The following RSPO3 variants were observed in gnomAD, a reference collection of about 807,000 sequenced individuals.
The protein encoded by RSPO3 is R-spondin-3.
In RSPO3, 17 loss-of-function variants were observed where a neutral mutation model predicts 36.5. That is an observed-to-expected ratio of 0.47 (90% CI 0.32 to 0.70). The LOEUF is 0.70. Among genes scored for constraint, RSPO3 ranks in the 30% least tolerant of loss-of-function variants. The pLI is 0.04. For synonymous variants in RSPO3, 108 were observed against 107.0 expected, an observed-to-expected ratio of 1.01 and a Z score of -0.06; for missense variants, 294 against 322.5, an observed-to-expected ratio of 0.91 and a Z score of 0.68.
chr6:127,149,600 A>G (rs1204347412), intron 2 of RSPO3, among the ~76,000 whole-genome samples: 1 of 152,042 alleles, frequency 6.6e-6, no homozygotes, highest in African/African-American at 2.4e-5. Flanking sequence ...TATCCAAAAT[A>G]ATCAGCCTGT....
chr6:127,144,644 T>TTTTTTTGTTTTTTTTTG (rs775151866), intron 1 of RSPO3, among the ~76,000 whole-genome samples: 1 of 83,336 alleles, frequency 1.2e-5, no homozygotes, highest in African/African-American at 4.3e-5. Flanking sequence ...CTTCCCCTTG[T>TTTTTTTGTTTTTTTTTG]TTTTTTTTTT....
chr6:127,144,804 T>C (rs1455522366), intron 1 of RSPO3, among the ~76,000 whole-genome samples: 2 of 151,958 alleles, frequency 1.3e-5, no homozygotes, highest in Non-Finnish European at 2.9e-5. Context: ...GTATTGTTAG[T>C]AGAGACGGAG....
At chr6:127,128,634 A>T (rs995713032) in intron 1 of RSPO3, among the ~76,000 whole-genome samples, 1 of 152,126 alleles carries the variant, frequency 6.6e-6, no homozygotes, top group Non-Finnish European at 1.5e-5. Flanking sequence ...TGTCATTTGA[A>T]CAAATAGTAG....
chr6:127,194,586 C>A (rs1047873010), intron 4 of RSPO3, among the ~76,000 whole-genome samples: 1 of 152,134 alleles, frequency 6.6e-6, no homozygotes, highest in Non-Finnish European at 1.5e-5. Context: ...AAATAATCAT[C>A]CAATTTGGTG....
intron 3 of RSPO3, among the ~76,000 whole-genome samples, chr6:127,153,094 A>G (rs1173918180): frequency 6.6e-6 from 1 of 152,118 alleles, no homozygotes; most frequent in East Asian, 1.9e-4. Flanking sequence ...CCACAGCACA[A>G]TCATTCCCAG....
At chr6:127,134,911 C>T (rs1774123488) in intron 1 of RSPO3, among the ~76,000 whole-genome samples, 1 of 152,156 alleles carries the variant, frequency 6.6e-6, no homozygotes, top group South Asian at 2.1e-4. Flanking sequence ...GAATAGCTTT[C>T]CCAATACACC....
Position 127,155,371 on chromosome 6 carries a change from G to A in RSPO3, c.567G>A (p.Leu189=), listed in dbSNP as rs1892172. The change falls in exon 4 of 5, where the codon CTG becomes CTA. Residue 189 remains leucine (L), a synonymous_variant. Coordinates refer to ENST00000356698, the MANE Select transcript of RSPO3 (RefSeq NM_032784.5). ...IIQHPSAKGN[L]CPPTNETRKC... The stretch of plus-strand genomic sequence containing the variant: ...AGCATCCTTCAGCAAAGGGTAACCT[G>A]TGTCCCCCAACAAATGAGACAAGAA... 0.54 allele frequency: 871,458 copies of A among 1,612,998 alleles called. 236,261 individuals are homozygous for A. The highest frequency in any genetic ancestry group is 0.6 in the African/African-American group (45,000 of 74,892).
intron 4 of RSPO3, among the ~76,000 whole-genome samples, chr6:127,164,123 T>A (rs984860495): frequency 2.0e-5 from 3 of 152,084 alleles, no homozygotes; most frequent in African/African-American, 7.2e-5. Context: ...TCTTTCAGTA[T>A]CCCTGCATCC....
intron 4 of RSPO3, among the ~76,000 whole-genome samples, chr6:127,159,201 A>G (rs1774657371): frequency 1.3e-5 from 2 of 152,146 alleles, no homozygotes; most frequent in South Asian, 4.1e-4. Context: ...CAACAAACAC[A>G]TTTTTCATTC....
chr6:127,150,326 G>T, intron 2 of RSPO3, 100 bp from the exon 3 acceptor site: 1 of 1,126,776 alleles, frequency 8.9e-7, no homozygotes, highest in South Asian at 1.6e-5. Flanking sequence ...GTGTTTATTT[G>T]ATACTAAAGT....
At chr6:127,187,941 C>A (rs1775329412) in intron 4 of RSPO3, among the ~76,000 whole-genome samples, 1 of 152,066 alleles carries the variant, frequency 6.6e-6, no homozygotes, top group Non-Finnish European at 1.5e-5. Context: ...TCTTTGGGTA[C>A]TTTCTCCCCT....
At chr6:127,186,389 G>T (rs1775295220) in intron 4 of RSPO3, among the ~76,000 whole-genome samples, 1 of 152,080 alleles carries the variant, frequency 6.6e-6, no homozygotes, top group South Asian at 2.1e-4. Context: ...GTCATGAGAG[G>T]AATATGTAAA....
chr6:127,186,603 T>C (rs1775299217), intron 4 of RSPO3, among the ~76,000 whole-genome samples: 1 of 152,070 alleles, frequency 6.6e-6, no homozygotes, highest in South Asian at 2.1e-4. Context: ...AAAAATTTAC[T>C]GGGAAAAAAT....
At chr6:127,183,700 A>G (rs933480053) in intron 4 of RSPO3, among the ~76,000 whole-genome samples, 1 of 152,080 alleles carries the variant, frequency 6.6e-6, no homozygotes. Flanking sequence ...TTAGAGCAAT[A>G]GTAGCAGTGC....
At chr6:127,142,052 A>G (rs1774282669) in intron 1 of RSPO3, among the ~76,000 whole-genome samples, 2 of 152,174 alleles carry the variant, frequency 1.3e-5, no homozygotes, top group Admixed American at 1.3e-4. Context: ...CAAAAATGGC[A>G]GGGTCTGTAT....
At chr6:127,192,786 ATG>A in intron 4 of RSPO3, 1 of 618,570 alleles carries the variant, frequency 1.6e-6, no homozygotes, top group Non-Finnish European at 2.0e-6. Flanking sequence ...GTATATATAT[ATG>A]TGTGTGTATA....
intron 4 of RSPO3, among the ~76,000 whole-genome samples, chr6:127,180,354 A>T (rs1775155654): frequency 6.6e-6 from 1 of 151,636 alleles, no homozygotes; most frequent in Admixed American, 6.6e-5. Flanking sequence ...CTTCTAAACC[A>T]TGCCAAGAAC....
chr6:127,169,020 A>C (rs1774881298), intron 4 of RSPO3, among the ~76,000 whole-genome samples: 1 of 151,974 alleles, frequency 6.6e-6, no homozygotes, highest in South Asian at 2.1e-4. Context: ...TATAGTTTGA[A>C]GTCAGGTAGC....
At chr6:127,190,144 C>G (rs957851197) in intron 4 of RSPO3, among the ~76,000 whole-genome samples, 4 of 152,090 alleles carry the variant, frequency 2.6e-5, no homozygotes, top group African/African-American at 9.7e-5. Context: ...AAATAACAGG[C>G]CGGGCACAGT....
Sources: allele counts gnomAD v4.1 joint callset (sites outside exome capture counted in the v4.1 genomes callset), GRCh38; gene constraint gnomAD v4.1.1; transcripts MANE v1.5; gene names NCBI Gene and HGNC (gene_info 2026-07-23, HGNC 2026-07-21).